TBCD: variants seen among roughly 807,000 people sequenced by gnomAD.
TBCD encodes the protein tubulin-specific chaperone D.
In TBCD, 105 loss-of-function variants were observed where a neutral mutation model predicts 169.3. The observed-to-expected ratio is 0.62, with a 90% confidence interval of 0.53 to 0.73. The LOEUF is 0.73. Among genes scored for constraint, TBCD ranks in the 30% least tolerant of loss-of-function variants. The pLI is 0.00. For synonymous variants in TBCD, 700 were observed against 643.9 expected (o/e 1.09, Z -1.32); for missense variants, 1,444 against 1,600.1 (o/e 0.90, Z 1.66).
chr17:82,838,453 T>G (rs567581154), intron 13 of TBCD, among the ~76,000 whole-genome samples: 1 of 152,334 alleles, frequency 6.6e-6, no homozygotes, highest in East Asian at 1.9e-4. Flanking sequence ...GCCCTGAGAT[T>G]GTGCTGTAAT....
At chr17:82,792,346 T>C (rs1437925328) in intron 7 of TBCD, among the ~76,000 whole-genome samples, 1 of 141,438 alleles carries the variant, frequency 7.1e-6, no homozygotes, top group Non-Finnish European at 1.5e-5. Context: ...TACACACGTG[T>C]ATACATGTGT....
In TBCD at chr17:82,932,653, C is replaced by A. The variant is rs773672376; in HGVS notation, c.3114-5C>A. ...CCAGGGTCTCACAGCTCCTTCTCCCCTCAGGGTGTCCGTGCCGCTGCTGAA... is the reference window on the plus strand; with the variant it reads ...CCAGGGTCTCACAGCTCCTTCTCCCATCAGGGTGTCCGTGCCGCTGCTGAA... On this transcript the variant is annotated splice_polypyrimidine_tract_variant and splice_region_variant and intron_variant, in intron 33 of 38. Transcript: ENST00000355528. 1 of 1,612,638 alleles carries A rather than the reference C, an allele frequency of 6.2e-7. No individual in the cohort carries two copies. Among genetic ancestry groups the A allele is most frequent in the South Asian group, 1.1e-5 (1 of 90,548 alleles).
chr17:82,939,209 C>A, intron 36 of TBCD, 158 bp from the exon 37 acceptor site: 2 of 668,776 alleles, frequency 3.0e-6, no homozygotes, highest in Admixed American at 2.4e-5. Flanking sequence ...GGCACCTCCT[C>A]TTGGTTGCAG....
At chr17:82,822,163 G>A (rs577435743) in intron 13 of TBCD, among the ~76,000 whole-genome samples, 1 of 152,314 alleles carries the variant, frequency 6.6e-6, no homozygotes, top group Admixed American at 6.5e-5. Flanking sequence ...AACTCTGCAC[G>A]TACTTCCTAT....
chr17:82,752,167 C>G lies in TBCD; in HGVS notation c.-27C>G. 6.7e-7 allele frequency: 1 copy of G among 1,498,528 alleles called. No individual in the cohort carries two copies. Among genetic ancestry groups the G allele is most frequent in the Non-Finnish European group, 8.9e-7 (1 of 1,126,946 alleles). The allele number at this position is 1,498,528 out of a possible 1,614,324, so 92.8% of individuals were successfully genotyped here. ...GAGTGGGATCTGCGAACACGTGAGGCGGGGGCGCGGTCCCCAGGCTGCCGA... is the reference window on the plus strand; with the variant it reads ...GAGTGGGATCTGCGAACACGTGAGGGGGGGGCGCGGTCCCCAGGCTGCCGA... On this transcript the variant is annotated 5_prime_UTR_variant, in exon 1 of 39. Coordinates refer to ENST00000355528, the MANE Select transcript of TBCD (RefSeq NM_005993.5).
intron 17 of TBCD, among the ~76,000 whole-genome samples, chr17:82,894,376 G>A (rs78481442): frequency 0.032 from 4,916 of 152,126 alleles, 270 homozygotes; most frequent in African/African-American, 0.11. Flanking sequence ...AGTGCAGTGG[G>A]GTGTGACTTT....
At chr17:82,834,269 C>G (rs1231401976) in intron 13 of TBCD, among the ~76,000 whole-genome samples, 1 of 152,182 alleles carries the variant, frequency 6.6e-6, no homozygotes, top group Non-Finnish European at 1.5e-5. Context: ...CTTTGAGAGT[C>G]TGGGACTGTC....
intron 13 of TBCD, chr17:82,839,010 GA>G (rs1436765303): frequency 8.2e-6 from 8 of 978,010 alleles, no homozygotes; most frequent in East Asian, 1.1e-4. Context: ...TTCATATAAG[GA>G]AAAAAACCCT....
intron 11 of TBCD, among the ~76,000 whole-genome samples, chr17:82,808,746 T>G (rs954335402): frequency 4.1e-4 from 17 of 41,160 alleles, no homozygotes; most frequent in Middle Eastern, 0.018. Context: ...GGTGCTGAGG[T>G]GTCAGGGAGG....
At chr17:82,926,541 C>A in intron 28 of TBCD, 50 bp downstream of exon 28, 1 of 1,484,456 alleles carries the variant, frequency 6.7e-7, no homozygotes, top group Non-Finnish European at 9.4e-7. Flanking sequence ...GAAAGGCCAG[C>A]AGATGAACGC....
intron 28 of TBCD, chr17:82,926,837 C>G (rs1228356629): frequency 6.1e-6 from 3 of 495,620 alleles, no homozygotes; most frequent in East Asian, 3.7e-5. Context: ...CATATGCCCT[C>G]TCCTCCCTGC....
At chr17:82,805,602 C>T (rs2050904206) in intron 9 of TBCD, among the ~76,000 whole-genome samples, 2 of 152,192 alleles carry the variant, frequency 1.3e-5, no homozygotes, top group South Asian at 2.1e-4. Context: ...TACCCATCAT[C>T]TGCCTTCTCT....
intron 10 of TBCD, among the ~76,000 whole-genome samples, 170 bp from the exon 11 acceptor site, chr17:82,807,438 T>C (rs892861998): frequency 5.9e-5 from 9 of 152,178 alleles, no homozygotes; most frequent in African/African-American, 2.2e-4. Flanking sequence ...TATGTGATGA[T>C]TTGAGAACGG....
chr17:82,828,713 A>ATGCACTCACATGATTGAATG (rs1456834675), intron 13 of TBCD, among the ~76,000 whole-genome samples: 1 of 150,094 alleles, frequency 6.7e-6, no homozygotes, highest in Non-Finnish European at 1.5e-5. Flanking sequence ...CATAATGCGC[A>ATGCACTCACATGATTGAATG]TGCACTCACA....
intron 13 of TBCD, among the ~76,000 whole-genome samples, chr17:82,841,728 G>A (rs1320317630): frequency 2.6e-5 from 4 of 152,210 alleles, no homozygotes; most frequent in African/African-American, 9.6e-5. Context: ...TATTGTGTCA[G>A]GAGTTTGTGG....
At chr17:82,929,039 C>A in intron 30 of TBCD, 74 bp from the exon 31 acceptor site, 1 of 1,535,718 alleles carries the variant, frequency 6.5e-7, no homozygotes, top group Non-Finnish European at 8.8e-7. Context: ...CGGCTCGGAC[C>A]GCCTGTGCTC....
intron 33 of TBCD, among the ~76,000 whole-genome samples, chr17:82,931,764 G>T (rs540842697): frequency 6.6e-6 from 1 of 152,216 alleles, no homozygotes; most frequent in African/African-American, 2.4e-5. Context: ...TGCTCCTGTC[G>T]CCCAGAGGGG....
chr17:82,894,069 A>G (rs1242335582), intron 17 of TBCD, among the ~76,000 whole-genome samples: 2 of 44,780 alleles, frequency 4.5e-5, no homozygotes, highest in African/African-American at 1.7e-4. Flanking sequence ...GAAATCTTGG[A>G]TTAGAAGGGA....
Position 82,929,027 on chromosome 17 carries a change from C to T in TBCD, c.2694-86C>T, listed in dbSNP as rs898862868. On this transcript the variant is annotated intron_variant, in intron 30 of 38. Coordinates refer to ENST00000355528, the MANE Select transcript of TBCD (RefSeq NM_005993.5). ...GTCCTCGTGGTGCTTGGGCTGGAGT[C>T]ACGGCTCGGACCGCCTGTGCTCAGT... 42 of 1,509,056 alleles carry T rather than the reference C, an allele frequency of 2.8e-5. No homozygotes were observed. The African/African-American group carries it at 5.4e-4, about 19-fold the overall frequency. 93.5% of individuals were successfully genotyped at this position (1,509,056 alleles called of 1,614,324 possible). A position where few individuals can be genotyped will look rare whatever the true frequency, so the allele number is the denominator to read the frequency against.
Sources: gnomAD v4.1 joint callset for allele counts (sites outside exome capture counted in the v4.1 genomes callset) on GRCh38, gnomAD v4.1.1 for gene constraint, MANE v1.5 for transcripts, NCBI Gene and HGNC (gene_info 2026-07-23, HGNC 2026-07-21) for gene names.